Variants in PDZRN4 observed in about 807,000 individuals in gnomAD.
PDZRN4 encodes the protein PDZ domain-containing RING finger protein 4.
A neutral mutation model predicts 99.0 loss-of-function variants in PDZRN4; 70 were observed. That is an observed-to-expected ratio of 0.71 (90% CI 0.58 to 0.86). PDZRN4 has a LOEUF of 0.86. PDZRN4 is among the 40% of genes least tolerant of loss of function. The probability of loss-of-function intolerance (pLI) is 0.00; values close to 1 mark genes in which losing one functional copy is unlikely to be tolerated. For synonymous variants in PDZRN4, 551 were observed against 501.6 expected (o/e 1.10, Z -1.32); for missense variants, 1,474 against 1,331.2 (o/e 1.11, Z -1.67).
At chr12:41,282,489 C>A (rs945147028) in intron 3 of PDZRN4, among the ~76,000 whole-genome samples, 2 of 152,042 alleles carry the variant, frequency 1.3e-5, no homozygotes, top group African/African-American at 4.8e-5. Context: ...CAAGGATATT[C>A]GGGAGTTGAA....
At chr12:41,344,135 T>G (rs1448039934) in intron 3 of PDZRN4, among the ~76,000 whole-genome samples, 1 of 152,124 alleles carries the variant, frequency 6.6e-6, no homozygotes, top group Non-Finnish European at 1.5e-5. Context: ...ATAAGTTGAT[T>G]ATATCATTCT....
intron 3 of PDZRN4, among the ~76,000 whole-genome samples, chr12:41,360,040 C>T (rs569595484): frequency 6.6e-6 from 1 of 152,148 alleles, no homozygotes; most frequent in South Asian, 2.1e-4. Context: ...CTATTGTAAG[C>T]ATCATCCAAT....
chr12:41,198,381 C>G (rs904119602), intron 3 of PDZRN4, among the ~76,000 whole-genome samples: 2 of 152,172 alleles, frequency 1.3e-5, no homozygotes, highest in Middle Eastern at 3.4e-3. Flanking sequence ...GTGCTGGAGG[C>G]ACAGTGCTTC....
intron 3 of PDZRN4, among the ~76,000 whole-genome samples, chr12:41,208,932 T>G (rs1275031482): frequency 6.6e-6 from 1 of 151,982 alleles, no homozygotes; most frequent in African/African-American, 2.4e-5. Context: ...AATTTTCACC[T>G]TGTTCATGCT....
chr12:41,442,015 T>C (rs1797271475), intron 3 of PDZRN4, among the ~76,000 whole-genome samples: 1 of 152,164 alleles, frequency 6.6e-6, no homozygotes, highest in African/African-American at 2.4e-5. Flanking sequence ...TCCACCCTGA[T>C]GGCTGCTGCT....
At chr12:41,475,743 T>C (rs958525990) in intron 3 of PDZRN4, among the ~76,000 whole-genome samples, 1 of 152,226 alleles carries the variant, frequency 6.6e-6, no homozygotes, top group African/African-American at 2.4e-5. Context: ...ATTCCTTTTG[T>C]ATGCATGTAG....
At chr12:41,514,342 G>A (rs1938359909) in intron 5 of PDZRN4, among the ~76,000 whole-genome samples, 1 of 152,022 alleles carries the variant, frequency 6.6e-6, no homozygotes, top group Non-Finnish European at 1.5e-5. Context: ...GCAAATATGT[G>A]CTGAATATTT....
At chr12:41,526,885 T>C (rs1938577011) in intron 5 of PDZRN4, among the ~76,000 whole-genome samples, 1 of 152,254 alleles carries the variant, frequency 6.6e-6, no homozygotes, top group South Asian at 2.1e-4. Context: ...TACTGTAATA[T>C]ACTGATGCTT....
intron 3 of PDZRN4, among the ~76,000 whole-genome samples, chr12:41,464,105 C>T (rs1592070061): frequency 1.3e-5 from 2 of 152,144 alleles, no homozygotes; most frequent in Non-Finnish European, 2.9e-5. Context: ...GAAGTGGCTG[C>T]TTTGTCCTCC....
At chr12:41,190,901 G>C (rs943393291) in intron 1 of PDZRN4, among the ~76,000 whole-genome samples, 2 of 151,972 alleles carry the variant, frequency 1.3e-5, no homozygotes, top group East Asian at 1.9e-4. Flanking sequence ...TTTTTATTCT[G>C]CAGGAATTAT....
intron 3 of PDZRN4, among the ~76,000 whole-genome samples, chr12:41,323,918 G>T (rs931881199): frequency 3.9e-5 from 6 of 151,910 alleles, no homozygotes; most frequent in African/African-American, 1.2e-4. Flanking sequence ...ACGTTATAAA[G>T]ATATAATCCA....
chr12:41,303,565 T>G (rs1279050122), intron 3 of PDZRN4, among the ~76,000 whole-genome samples: 2 of 152,186 alleles, frequency 1.3e-5, no homozygotes, highest in African/African-American at 2.4e-5. Flanking sequence ...CCACAAGACT[T>G]CATCTAGCTA....
chr12:41,441,212 G>A (rs1230098494), intron 3 of PDZRN4, among the ~76,000 whole-genome samples: 1 of 152,084 alleles, frequency 6.6e-6, no homozygotes, highest in Non-Finnish European at 1.5e-5. Flanking sequence ...ATTGTGATAT[G>A]CAAGATTCTA....
chr12:41,241,172 C>T (rs989230440), intron 3 of PDZRN4, among the ~76,000 whole-genome samples: 5 of 152,030 alleles, frequency 3.3e-5, no homozygotes, highest in Admixed American at 6.6e-5. Context: ...TACAGTATCC[C>T]TCATCCTAAA....
At chr12:41,341,245 A>G (rs1951814877) in intron 3 of PDZRN4, among the ~76,000 whole-genome samples, 2 of 151,858 alleles carry the variant, frequency 1.3e-5, no homozygotes, top group African/African-American at 4.8e-5. Context: ...ACAAACCTGT[A>G]GCTAACATCA....
At chr12:41,518,738 G>C (rs1219861491) in intron 5 of PDZRN4, among the ~76,000 whole-genome samples, 1 of 152,082 alleles carries the variant, frequency 6.6e-6, no homozygotes, top group South Asian at 2.1e-4. Flanking sequence ...CATGGCTTGA[G>C]GCCAGGAGTT....
chr12:41,553,064 C>A (rs1010788769), intron 6 of PDZRN4, among the ~76,000 whole-genome samples: 1 of 152,194 alleles, frequency 6.6e-6, no homozygotes, highest in Non-Finnish European at 1.5e-5. Flanking sequence ...AGTTTTTGAT[C>A]CTCAAACATC....
At chr12:41,299,719 GA>G (rs11329938) in intron 3 of PDZRN4, among the ~76,000 whole-genome samples, 77,966 of 151,648 alleles carry the variant, frequency 0.51, 22,523 homozygotes, top group East Asian at 0.81. Context: ...TTATAAAATT[GA>G]GTTAGTTTTC....
At chr12:41,234,841 C>T (rs1180353380) in intron 3 of PDZRN4, among the ~76,000 whole-genome samples, 1 of 152,038 alleles carries the variant, frequency 6.6e-6, no homozygotes, top group Non-Finnish European at 1.5e-5. Flanking sequence ...CCTGTCTCAG[C>T]CTTCAAAGAT....
Sources: allele counts gnomAD v4.1 joint callset (sites outside exome capture counted in the v4.1 genomes callset), GRCh38; gene constraint gnomAD v4.1.1; transcripts MANE v1.5; gene names NCBI Gene and HGNC (gene_info 2026-07-23, HGNC 2026-07-21).